Variants in CAST observed in about 807,000 individuals in gnomAD.
CAST encodes calpastatin.
A neutral mutation model predicts 119.6 loss-of-function variants in CAST; 76 were observed. That is an observed-to-expected ratio of 0.64 (90% CI 0.53 to 0.77). The LOEUF (loss-of-function observed/expected upper bound fraction) is 0.77, where lower values mean the gene tolerates loss of function less well. Ranked by LOEUF, CAST falls within the 30% of genes least tolerant of loss-of-function variation. CAST has a pLI of 0.00. For synonymous variants in CAST, 319 were observed against 331.6 expected, an observed-to-expected ratio of 0.96 and a Z score of 0.41; for missense variants, 953 against 946.5, an observed-to-expected ratio of 1.01 and a Z score of -0.09.
the CAST span, among the ~76,000 whole-genome samples, chr5:96,266,275 TGG>T: frequency 6.6e-6 from 1 of 152,152 alleles, no homozygotes; most frequent in Admixed American, 6.5e-5. Context: ...CCCCAACCCA[TGG>T]TTTCCACACT....
chr5:96,082,059 G>A, the CAST span, among the ~76,000 whole-genome samples: 5 of 152,112 alleles, frequency 3.3e-5, no homozygotes, highest in East Asian at 5.8e-4. Flanking sequence ...AACTACAGGC[G>A]CACGCTACCA....
intron 2 of CAST, among the ~76,000 whole-genome samples, chr5:96,687,794 T>C (rs1752252327): frequency 6.6e-6 from 1 of 152,348 alleles, no homozygotes; most frequent in Middle Eastern, 3.4e-3. Context: ...TGGTTTCACT[T>C]AGTACTTAAG....
chr5:96,565,255 A>T (rs1281117266), intron 1 of CAST, among the ~76,000 whole-genome samples: 1 of 152,072 alleles, frequency 6.6e-6, no homozygotes, highest in Non-Finnish European at 1.5e-5. Context: ...TATCATATAG[A>T]GAGGATTTTA....
the CAST span, among the ~76,000 whole-genome samples, chr5:96,090,841 A>G: frequency 6.6e-6 from 1 of 151,604 alleles, no homozygotes; most frequent in Admixed American, 6.6e-5. Flanking sequence ...TAGTTGCTGT[A>G]GTTGTACACA....
the CAST span, among the ~76,000 whole-genome samples, chr5:96,338,539 G>A: frequency 6.6e-6 from 1 of 152,184 alleles, no homozygotes; most frequent in Admixed American, 6.5e-5. Flanking sequence ...AGTGGGAAAA[G>A]TTGATCACAT....
intron 1 of CAST, among the ~76,000 whole-genome samples, chr5:96,532,724 C>A (rs1203499137): frequency 6.6e-6 from 1 of 152,104 alleles, no homozygotes; most frequent in Non-Finnish European, 1.5e-5. Context: ...GTGGTGCACA[C>A]CTGTAATCCC....
the CAST span, among the ~76,000 whole-genome samples, chr5:96,150,495 G>A: frequency 9.9e-5 from 15 of 152,280 alleles, no homozygotes; most frequent in Non-Finnish European, 1.5e-4. Context: ...CAGAGAGAAC[G>A]CTGTCCTGTG....
chr5:96,216,274 T>C, the CAST span, among the ~76,000 whole-genome samples: 1 of 152,186 alleles, frequency 6.6e-6, no homozygotes, highest in Non-Finnish European at 1.5e-5. Flanking sequence ...AAAAATTATA[T>C]GTGGATTTTC....
chr5:96,122,667 G>A, the CAST span, among the ~76,000 whole-genome samples: 1 of 151,902 alleles, frequency 6.6e-6, no homozygotes, highest in South Asian at 2.1e-4. Context: ...GCACATATCA[G>A]TTGAAGAAAT....
chr5:96,757,687 G>GTT (rs369438033), intron 24 of CAST, 33 bp downstream of exon 24: 42,362 of 1,061,380 alleles, frequency 0.04, 10 homozygotes, highest in East Asian at 0.078. Context: ...TATTTCTTTA[G>GTT]TTTTTTTTTT....
the CAST span, among the ~76,000 whole-genome samples, chr5:96,443,040 T>A: frequency 6.6e-6 from 1 of 152,164 alleles, no homozygotes; most frequent in African/African-American, 2.4e-5. Flanking sequence ...TCTATTATTA[T>A]CTCTTCAGAG....
chr5:96,127,334 G>A, the CAST span, among the ~76,000 whole-genome samples: 1 of 152,026 alleles, frequency 6.6e-6, no homozygotes, highest in East Asian at 1.9e-4. Flanking sequence ...GTTGTTCACT[G>A]TATTTTATTT....
the CAST span, chr5:96,379,744 C>T: frequency 6.6e-6 from 1 of 152,268 alleles, no homozygotes; most frequent in East Asian, 1.9e-4. Flanking sequence ...CTATAGCATA[C>T]ATAGAATTTA....
chr5:96,177,002 C>T, the CAST span, among the ~76,000 whole-genome samples: 1 of 152,154 alleles, frequency 6.6e-6, no homozygotes, highest in Non-Finnish European at 1.5e-5. Context: ...AATAACTTTT[C>T]ATGTCTTAAT....
chr5:96,327,893 A>G, the CAST span, among the ~76,000 whole-genome samples: 44 of 152,150 alleles, frequency 2.9e-4, no homozygotes, highest in Non-Finnish European at 5.4e-4. Flanking sequence ...ATTACATCAT[A>G]TATTTGGAAG....
chr5:96,236,111 G>GTCTA, the CAST span, among the ~76,000 whole-genome samples: 3 of 151,654 alleles, frequency 2.0e-5, no homozygotes, highest in Non-Finnish European at 4.4e-5. Context: ...CTGTCTGTCT[G>GTCTA]TCTATCTATC....
At chr5:96,531,363 T>C (rs564822538) in intron 1 of CAST, among the ~76,000 whole-genome samples, 231 of 152,172 alleles carry the variant, frequency 1.5e-3, no homozygotes, top group Non-Finnish European at 2.6e-3. Flanking sequence ...GGAGATTGAT[T>C]GGAAGGGAAT....
chr5:95,962,912 G>A, the CAST span, among the ~76,000 whole-genome samples: 54 of 152,266 alleles, frequency 3.5e-4, no homozygotes, highest in African/African-American at 1.3e-3. Context: ...GGGCGTGAGG[G>A]GCGTGCAAAG....
chr5:96,714,485 CT>C (rs1756841086), intron 3 of CAST, among the ~76,000 whole-genome samples: 2 of 152,358 alleles, frequency 1.3e-5, no homozygotes, highest in South Asian at 4.1e-4. Context: ...CAAGTACAGT[CT>C]TCCTCATGGC....
Sources: allele counts gnomAD v4.1 joint callset (sites outside exome capture counted in the v4.1 genomes callset), GRCh38; gene constraint gnomAD v4.1.1; transcripts MANE v1.5; gene names NCBI Gene and HGNC (gene_info 2026-07-23, HGNC 2026-07-21).